Variants in TRAF3 observed in about 807,000 individuals in gnomAD.
TRAF3 encodes TNF receptor associated factor 3.
Under a neutral mutation model 62.3 loss-of-function variants are expected in TRAF3, and 13 were observed. The observed-to-expected ratio is 0.21, with a 90% CI of 0.14 to 0.33. The LOEUF is 0.33. Ranked by LOEUF, TRAF3 falls within the 10% of genes least tolerant of loss-of-function variation. The pLI is 1.00. For synonymous variants in TRAF3, 269 were observed against 283.4 expected, an observed-to-expected ratio of 0.95 and a Z score of 0.51; for missense variants, 440 against 741.8, an observed-to-expected ratio of 0.59 and a Z score of 4.73.
intron 6 of TRAF3, among the ~76,000 whole-genome samples, chr14:102,883,891 A>G (rs767895595): frequency 1.3e-5 from 2 of 152,144 alleles, no homozygotes; most frequent in African/African-American, 2.4e-5. Context: ...CAACTCACAC[A>G]TGTGTGCACA....
chr14:102,805,611 C>T (rs1008297760), intron 1 of TRAF3, among the ~76,000 whole-genome samples: 1 of 152,148 alleles, frequency 6.6e-6, no homozygotes, highest in African/African-American at 2.4e-5. Flanking sequence ...CACCAGGGAG[C>T]CCCTGCCTGC....
At chr14:102,790,347 G>C (rs1034252835) in intron 1 of TRAF3, among the ~76,000 whole-genome samples, 2 of 152,100 alleles carry the variant, frequency 1.3e-5, no homozygotes, top group African/African-American at 4.8e-5. Context: ...TTTATTTCTG[G>C]ACTCTCAGTT....
intron 1 of TRAF3, among the ~76,000 whole-genome samples, chr14:102,781,174 C>T (rs984963783): frequency 9.5e-6 from 1 of 105,066 alleles, no homozygotes; most frequent in Non-Finnish European, 2.6e-5. Context: ...GTCCCTCTTA[C>T]AGGGCCCCCT....
chr14:102,852,515 C>T (rs1019234763), intron 2 of TRAF3, among the ~76,000 whole-genome samples: 1 of 152,142 alleles, frequency 6.6e-6, no homozygotes, highest in Non-Finnish European at 1.5e-5. Flanking sequence ...CCTTAATTCT[C>T]TGCATGTAAT....
chr14:102,803,963 T>C (rs536549687), intron 1 of TRAF3, among the ~76,000 whole-genome samples: 1 of 152,260 alleles, frequency 6.6e-6, no homozygotes, highest in South Asian at 2.1e-4. Flanking sequence ...TTTGAGAGGC[T>C]CAGGCCGGAG....
chr14:102,890,141 A>G (rs1250967182), intron 8 of TRAF3, among the ~76,000 whole-genome samples: 1 of 152,096 alleles, frequency 6.6e-6, no homozygotes, highest in East Asian at 1.9e-4. Context: ...TAGAGAGCAC[A>G]CCTCCCCGAG....
intron 2 of TRAF3, among the ~76,000 whole-genome samples, chr14:102,835,018 T>C (rs986848803): frequency 6.6e-6 from 1 of 151,970 alleles, no homozygotes; most frequent in Non-Finnish European, 1.5e-5. Context: ...AGGTCTAATA[T>C]CCAGCATCTA....
chr14:102,790,657 C>T (rs1897741262), intron 1 of TRAF3, among the ~76,000 whole-genome samples: 1 of 152,130 alleles, frequency 6.6e-6, no homozygotes, highest in African/African-American at 2.4e-5. Context: ...ATTCAGTTAC[C>T]TCCCCCTGGG....
In TRAF3 at chr14:102,830,325, A is replaced by AT. The variant is rs1408914286; in HGVS notation, c.-156-5dup. The AT allele has an allele frequency of 6.6e-6, 1 of 152,378 alleles. No homozygotes were observed. Among genetic ancestry groups the AT allele is most frequent in the African/African-American group, 2.4e-5 (1 of 41,438 alleles). 9.4% of individuals were successfully genotyped at this position (152,378 alleles called of 1,614,324 possible). On this transcript the variant is annotated splice_polypyrimidine_tract_variant and intron_variant, in intron 1 of 11. Transcript: ENST00000392745. ...AATCTTTGTCTAATCCAATCCCTTT[A>AT]TTTTACAGATGAGGAAAATGAGGCC...
chr14:102,882,365 G>T (rs28529267), intron 6 of TRAF3, among the ~76,000 whole-genome samples: 6,119 of 152,274 alleles, frequency 0.04, 405 homozygotes, highest in African/African-American at 0.14. Flanking sequence ...TAAGGTGTGT[G>T]TCAGCTTCTC....
chr14:102,880,673 G>A (rs1888999056), intron 6 of TRAF3, among the ~76,000 whole-genome samples: 2 of 152,230 alleles, frequency 1.3e-5, no homozygotes, highest in South Asian at 4.1e-4. Flanking sequence ...GTTCATTGAA[G>A]CAGTATTGAC....
intron 10 of TRAF3, among the ~76,000 whole-genome samples, chr14:102,898,126 G>A (rs969968766): frequency 1.3e-5 from 2 of 152,246 alleles, no homozygotes; most frequent in East Asian, 1.9e-4. Flanking sequence ...TGTGTCCCTA[G>A]ATTATCTGGA....
At chr14:102,891,171 C>T (rs189092419) in intron 8 of TRAF3, among the ~76,000 whole-genome samples, 154 bp from the exon 9 acceptor site, 1 of 152,338 alleles carries the variant, frequency 6.6e-6, no homozygotes, top group Admixed American at 6.5e-5. Flanking sequence ...GCCCTGAGCA[C>T]AGCCCTCCTT....
intron 1 of TRAF3, among the ~76,000 whole-genome samples, chr14:102,805,765 A>G (rs985485280): frequency 7.9e-5 from 12 of 152,314 alleles, no homozygotes; most frequent in Middle Eastern, 3.4e-3. Flanking sequence ...AGATTGTCCA[A>G]TTTAGACCCA....
intron 3 of TRAF3, among the ~76,000 whole-genome samples, chr14:102,871,651 A>G (rs1373600444): frequency 6.6e-6 from 1 of 152,270 alleles, no homozygotes; most frequent in East Asian, 1.9e-4. Context: ...TCACTTTTAC[A>G]TTAAGTGGAA....
chr14:102,783,614 G>A (rs1479037693), intron 1 of TRAF3, among the ~76,000 whole-genome samples: 3 of 152,192 alleles, frequency 2.0e-5, no homozygotes, highest in African/African-American at 4.8e-5. Flanking sequence ...ATTGTACTCA[G>A]TAACGTGGCT....
intron 1 of TRAF3, among the ~76,000 whole-genome samples, chr14:102,788,682 C>T (rs1009566919): frequency 2.6e-5 from 4 of 152,180 alleles, no homozygotes; most frequent in African/African-American, 9.7e-5. Flanking sequence ...CCTCTAGTCC[C>T]AGCTACTCAG....
chr14:102,829,196 A>T (rs1900511177), intron 1 of TRAF3, among the ~76,000 whole-genome samples: 1 of 152,230 alleles, frequency 6.6e-6, no homozygotes, highest in Admixed American at 6.5e-5. Flanking sequence ...GCCAAGAAAT[A>T]TAATGTTGGG....
chr14:102,824,043 T>C (rs1441971997), intron 1 of TRAF3, among the ~76,000 whole-genome samples: 1 of 152,246 alleles, frequency 6.6e-6, no homozygotes, highest in African/African-American at 2.4e-5. Context: ...TTTTGGCTGT[T>C]GTGTGATAGC....
Sources: gnomAD v4.1 joint callset for allele counts (sites outside exome capture counted in the v4.1 genomes callset) on GRCh38, gnomAD v4.1.1 for gene constraint, MANE v1.5 for transcripts, NCBI Gene and HGNC (gene_info 2026-07-23, HGNC 2026-07-21) for gene names.